Variants in DOCK11 observed in about 807,000 individuals in gnomAD.
DOCK11 encodes dedicator of cytokinesis protein 11.
A neutral mutation model predicts 169.1 loss-of-function variants in DOCK11; 70 were observed. The ratio of observed to expected loss-of-function variants is 0.41; its 90% CI spans 0.34 to 0.51. The LOEUF is 0.51. DOCK11 is among the 20% of genes least tolerant of loss of function. The pLI, the probability that DOCK11 is intolerant of heterozygous loss-of-function variation, is 0.10. For synonymous variants in DOCK11, 529 were observed against 541.3 expected, an observed-to-expected ratio of 0.98 and a Z score of 0.32; for missense variants, 1,166 against 1,538.8, an observed-to-expected ratio of 0.76 and a Z score of 4.05.
chrX:118,571,120 T>C (rs779356055), intron 10 of DOCK11, among the ~76,000 whole-genome samples: 1 of 110,829 alleles, frequency 9.0e-6, no homozygotes, highest in African/African-American at 3.3e-5. Flanking sequence ...GGTTCCAGCC[T>C]TTTGTGCCTC....
intron 1 of DOCK11, among the ~76,000 whole-genome samples, chrX:118,523,761 A>G (rs1284774696): frequency 2.7e-5 from 3 of 111,903 alleles, no homozygotes; most frequent in Non-Finnish European, 5.6e-5. Flanking sequence ...TAAATTGATC[A>G]TACTCAATAA....
intron 1 of DOCK11, among the ~76,000 whole-genome samples, chrX:118,502,370 T>C (rs2057580951): frequency 8.9e-6 from 1 of 112,068 alleles, no homozygotes; most frequent in Non-Finnish European, 1.9e-5. Context: ...CTCTCAAATA[T>C]TTAGAGACAG....
intron 6 of DOCK11, among the ~76,000 whole-genome samples, chrX:118,546,721 G>A (rs975624119): frequency 2.7e-5 from 3 of 112,005 alleles, no homozygotes; most frequent in African/African-American, 9.7e-5. Flanking sequence ...GGGTGCAGTA[G>A]CTCACACCTG....
chrX:118,657,963 A>AT (rs1462004632), intron 44 of DOCK11, among the ~76,000 whole-genome samples: 26 of 109,547 alleles, frequency 2.4e-4, no homozygotes, highest in Non-Finnish European at 4.4e-4. Context: ...CTCCAAAACT[A>AT]TTTTTTTTAA....
At position 118,590,248 on chromosome X, in the gene DOCK11, A is replaced by C; in HGVS notation, c.2085A>C (p.Thr695=). The change falls in exon 19 of 53, where the codon ACA becomes ACC. Residue 695 remains threonine, a synonymous_variant. Transcript: ENST00000276202. ...YGKPAGSVFT[T]NAYAVVSHHN... Reference sequence around the variant, plus strand: ...AACCTGCAGGGTCTGTTTTTACCACAAATGCTTATGCTGTTGTCTCGCATC... The same window carrying C: ...AACCTGCAGGGTCTGTTTTTACCACCAATGCTTATGCTGTTGTCTCGCATC... 1.7e-6 allele frequency: 2 copies of C among 1,211,181 alleles called. No homozygotes were observed. The highest frequency in any genetic ancestry group is 2.2e-6 in the Non-Finnish European group (2 of 895,093).
At chrX:118,662,849 T>C (rs762708817) in intron 45 of DOCK11, 57 bp downstream of exon 45, 10 of 712,646 alleles carry the variant, frequency 1.4e-5, no homozygotes, top group Non-Finnish European at 2.2e-5. Context: ...TTAAAATTCA[T>C]ATATATTAAA....
rs192382158 is a variant in DOCK11 at position 118,499,135 on chromosome X, T to C, written c.102+3062T>C. Among the ~76,000 whole-genome samples the C allele has an allele frequency of 4.6e-3, 513 of 112,186 alleles. 3 individuals carry two copies. The highest frequency in any genetic ancestry group is 9.2e-3 in the Middle Eastern group (2 of 217). ...TGATTAAGAGAGAAGTGTTTACATA[T>C]GTACTTGTTTAAAATGCAGAGTTTT... On this transcript the variant is annotated intron_variant, in intron 1 of 52. Coordinates refer to ENST00000276202, the MANE Select transcript of DOCK11 (RefSeq NM_144658.4).
chrX:118,551,585 C>G (rs145438948), intron 6 of DOCK11, among the ~76,000 whole-genome samples: 1,521 of 110,224 alleles, frequency 0.014, 12 homozygotes, highest in Non-Finnish European at 0.022. Flanking sequence ...GTATTTGCAG[C>G]TACTTGAGAA....
chrX:118,510,245 A>G (rs904504807), intron 1 of DOCK11, among the ~76,000 whole-genome samples: 1 of 112,176 alleles, frequency 8.9e-6, no homozygotes, highest in Non-Finnish European at 1.9e-5. Flanking sequence ...AGGTCCTGAC[A>G]TTACAGTGGA....
chrX:118,663,696 T>A (rs1342383464), intron 45 of DOCK11, among the ~76,000 whole-genome samples: 3 of 77,189 alleles, frequency 3.9e-5, no homozygotes, highest in Admixed American at 1.6e-4. Context: ...TTTTTTTTTT[T>A]ATGGAGTCTC....
chrX:118,641,136 C>T (rs774807186), intron 38 of DOCK11, 54 bp from the exon 39 acceptor site: 1 of 919,295 alleles, frequency 1.1e-6, no homozygotes, highest in Non-Finnish European at 1.6e-6. Context: ...TCATTCAACA[C>T]CATTATGTGC....
intron 1 of DOCK11, among the ~76,000 whole-genome samples, chrX:118,514,202 G>A: frequency 9.1e-6 from 1 of 109,489 alleles, no homozygotes; most frequent in Middle Eastern, 4.6e-3. Context: ...CTTCTCCTTT[G>A]CCTTCTGCCT....
intron 45 of DOCK11, among the ~76,000 whole-genome samples, chrX:118,664,619 T>C (rs1003291490): frequency 1.8e-5 from 2 of 109,914 alleles, no homozygotes; most frequent in Admixed American, 1.9e-4. Flanking sequence ...TACTCCAGCC[T>C]GGGTGACAAA....
intron 32 of DOCK11, 47 bp downstream of exon 32, chrX:118,624,702 A>C (rs1418824495): frequency 1.1e-6 from 1 of 883,122 alleles, no homozygotes. Context: ...ATTTTATTGA[A>C]TGCATTTGGA....
chrX:118,610,027 T>G (rs1393752760), intron 27 of DOCK11, among the ~76,000 whole-genome samples: 2 of 112,026 alleles, frequency 1.8e-5, no homozygotes, highest in Non-Finnish European at 3.8e-5. Context: ...TATTCCAAAG[T>G]TGGGGCAGAA....
chrX:118,529,315 C>T (rs1267481068), intron 1 of DOCK11, among the ~76,000 whole-genome samples: 1 of 112,130 alleles, frequency 8.9e-6, no homozygotes, highest in Non-Finnish European at 1.9e-5. Flanking sequence ...AGCATTTCTT[C>T]GTGGGGTGCC....
chrX:118,510,896 C>A (rs893824609), intron 1 of DOCK11, among the ~76,000 whole-genome samples: 2 of 111,786 alleles, frequency 1.8e-5, no homozygotes, highest in African/African-American at 6.5e-5. Context: ...ATGATGATTT[C>A]AATTAAAAGA....
intron 48 of DOCK11, 55 bp downstream of exon 48, chrX:118,676,792 A>G (rs1299565586): frequency 9.6e-6 from 10 of 1,039,250 alleles, no homozygotes; most frequent in African/African-American, 1.9e-5. Context: ...GGCATTGTAC[A>G]TTGCTCCTGA....
intron 40 of DOCK11, among the ~76,000 whole-genome samples, chrX:118,645,831 G>A (rs2015643712): frequency 9.7e-6 from 1 of 102,864 alleles, no homozygotes; most frequent in African/African-American, 3.6e-5. Flanking sequence ...GGCAGATCAC[G>A]AAGTCAGGAG....
Sources: allele counts gnomAD v4.1 joint callset (sites outside exome capture counted in the v4.1 genomes callset), GRCh38; gene constraint gnomAD v4.1.1; transcripts MANE v1.5; gene names NCBI Gene and HGNC (gene_info 2026-07-23, HGNC 2026-07-21).